Variants in CSNK1G1 observed in about 807,000 individuals in gnomAD.
The protein encoded by CSNK1G1 is casein kinase I isoform gamma-1.
Under a neutral mutation model 59.6 loss-of-function variants are expected in CSNK1G1, and 22 were observed. The observed-to-expected ratio is 0.37, with a 90% CI of 0.26 to 0.53. The LOEUF is 0.53. CSNK1G1 is among the 20% of genes least tolerant of loss of function. The pLI, the probability that CSNK1G1 is intolerant of heterozygous loss-of-function variation, is 0.89. For missense variants in CSNK1G1, 384 were observed against 519.5 expected (o/e 0.74, Z 2.54); for synonymous variants, 179 against 177.1 (o/e 1.01, Z -0.08).
chr15:64,273,981 C>T (rs549721835), intron 2 of CSNK1G1, among the ~76,000 whole-genome samples: 90 of 152,276 alleles, frequency 5.9e-4, no homozygotes, highest in African/African-American at 2.1e-3. Context: ...TTATAAAATG[C>T]TTCTTAGCTT....
In CSNK1G1 at chr15:64,330,079, C is replaced by T. The variant is rs1218446248; in HGVS notation, c.-225+25909G>A. Among the ~76,000 whole-genome samples the T allele has an allele frequency of 5.5e-3, 734 of 134,172 alleles. 7 individuals carry two copies. The highest frequency in any genetic ancestry group is 0.02 in the African/African-American group (704 of 34,730). The allele number at this position is 134,172 out of a possible 152,430, so 88.0% of individuals were successfully genotyped here. A position where few individuals can be genotyped will look rare whatever the true frequency, so the allele number is the denominator to read the frequency against. ...GTCCAGGACCAGATGGATTCACAGC[C>T]GAATTCTACCAGAGGTACAAGGAGG... is the stretch of plus-strand genomic sequence containing the variant. On this transcript the variant is annotated intron_variant, in intron 1 of 11. Coordinates refer to ENST00000303052, the MANE Select transcript of CSNK1G1 (RefSeq NM_022048.5).
chr15:64,314,359 T>A (rs1466518356), intron 1 of CSNK1G1, among the ~76,000 whole-genome samples: 1 of 152,096 alleles, frequency 6.6e-6, no homozygotes, highest in Non-Finnish European at 1.5e-5. Context: ...AAAAATTGTA[T>A]GTTGACAATT....
rs1347386489 is a variant in CSNK1G1, at chr15:64,172,282, G to A, written c.1215-297C>T. On this transcript the variant is annotated intron_variant, in intron 11 of 11. Transcript: ENST00000303052. ...GAGGGTGAAGAAGGCTCATAGTTTA[G>A]CACCCAACCCAGATGCCTCACCTTA... 6.6e-5 allele frequency among the ~76,000 whole-genome samples: 10 copies of A among 152,202 alleles called. No individual in the cohort carries two copies. The South Asian group carries it at 2.1e-3, about 31-fold the overall frequency.
chr15:64,238,564 T>C (rs370868730), intron 4 of CSNK1G1, among the ~76,000 whole-genome samples: 3 of 137,484 alleles, frequency 2.2e-5, no homozygotes, highest in African/African-American at 8.5e-5. Context: ...CCCACATTCC[T>C]AGTGCAGGTT....
intron 1 of CSNK1G1, among the ~76,000 whole-genome samples, chr15:64,343,522 A>T (rs1248190985): frequency 6.6e-6 from 1 of 152,102 alleles, no homozygotes; most frequent in East Asian, 1.9e-4. Flanking sequence ...AGTTTTCCCA[A>T]GTGATTCTAA....
intron 4 of CSNK1G1, 196 bp downstream of exon 4, chr15:64,251,316 C>T (rs1445631053): frequency 7.9e-6 from 4 of 505,524 alleles, no homozygotes; most frequent in Non-Finnish European, 1.4e-5. Flanking sequence ...CATAGCAACA[C>T]AGTTCCCCTG....
intron 11 of CSNK1G1, among the ~76,000 whole-genome samples, chr15:64,175,605 C>A (rs2140202652): frequency 6.6e-6 from 1 of 152,222 alleles, no homozygotes; most frequent in Middle Eastern, 3.4e-3. Context: ...AAAAGACAGG[C>A]TCCAATATAT....
chr15:64,224,606 C>T (rs2082432597), intron 4 of CSNK1G1, among the ~76,000 whole-genome samples: 1 of 152,120 alleles, frequency 6.6e-6, no homozygotes, highest in Non-Finnish European at 1.5e-5. Flanking sequence ...TATGAATTTA[C>T]TCAAAATGCT....
In CSNK1G1 at chr15:64,318,789, T is replaced by C. The variant is rs1482251565; in HGVS notation, c.-224-18066A>G. Among the ~76,000 whole-genome samples, 3 of 151,928 alleles carry C rather than the reference T, an allele frequency of 2.0e-5. No homozygotes were observed. In the East Asian group the frequency reaches 5.8e-4, roughly 29 times the overall value. On this transcript the variant is annotated intron_variant, in intron 1 of 11. Coordinates refer to ENST00000303052, the MANE Select transcript of CSNK1G1 (RefSeq NM_022048.5). ...ACGAGCCTGGCTAATTTTTGTATTT[T>C]TAGTAGAGACGAGGTTTCACCATGT... is the stretch of plus-strand genomic sequence containing the variant.
At chr15:64,217,816 A>C (rs755425059) in intron 4 of CSNK1G1, among the ~76,000 whole-genome samples, 16 of 124,688 alleles carry the variant, frequency 1.3e-4, no homozygotes, top group Admixed American at 2.5e-4. Context: ...ACTCCATCTC[A>C]AAAAAAAAAA....
At chr15:64,247,423 C>T (rs1335147679) in intron 4 of CSNK1G1, among the ~76,000 whole-genome samples, 1 of 152,166 alleles carries the variant, frequency 6.6e-6, no homozygotes, top group African/African-American at 2.4e-5. Context: ...TCAAGGTTCT[C>T]ATGGTCCCCT....
At chr15:64,248,216 G>C (rs909464638) in intron 4 of CSNK1G1, among the ~76,000 whole-genome samples, 13 of 152,298 alleles carry the variant, frequency 8.5e-5, no homozygotes, top group African/African-American at 2.9e-4. Context: ...TGAAAAAATA[G>C]GGGGAGGAAT....
At chr15:64,313,870 C>CAAAA (rs11402033) in intron 1 of CSNK1G1, among the ~76,000 whole-genome samples, 8 of 143,606 alleles carry the variant, frequency 5.6e-5, no homozygotes, top group African/African-American at 2.0e-4. Context: ...AGGTATATGG[C>CAAAA]AAAAAAAAAA....
intron 4 of CSNK1G1, among the ~76,000 whole-genome samples, chr15:64,225,692 T>C (rs908088242): frequency 7.2e-5 from 11 of 152,192 alleles, no homozygotes; most frequent in African/African-American, 2.7e-4. Flanking sequence ...AATGGCGTGA[T>C]CTCGGCTCAC....
intron 4 of CSNK1G1, among the ~76,000 whole-genome samples, chr15:64,221,867 G>C (rs1000058010): frequency 2.0e-5 from 3 of 152,100 alleles, no homozygotes. Flanking sequence ...AGACAGTATG[G>C]TGATTCCTTA....
In CSNK1G1 at chr15:64,339,066, T is replaced by C. The variant is rs905364676; in HGVS notation, c.-225+16922A>G. Among the ~76,000 whole-genome samples the C allele has an allele frequency of 7.9e-5, 12 of 152,108 alleles. No individual in the cohort carries two copies. The East Asian group carries it at 2.3e-3, about 29-fold the overall frequency. On this transcript the variant is annotated intron_variant, in intron 1 of 11. Transcript: ENST00000303052. ...AGGGGAGAGTTAAAGTGCAGGATTCTGAAGGGAAAAAGTTAAGGAGGAGAG... is the reference window on the plus strand; with the variant it reads ...AGGGGAGAGTTAAAGTGCAGGATTCCGAAGGGAAAAAGTTAAGGAGGAGAG...
intron 3 of CSNK1G1, among the ~76,000 whole-genome samples, chr15:64,256,057 C>A (rs1892358051): frequency 6.6e-6 from 1 of 152,212 alleles, no homozygotes; most frequent in African/African-American, 2.4e-5. Context: ...ACTCTTATGT[C>A]TCCATCTGGT....
chr15:64,279,254 T>A (rs372919873), intron 2 of CSNK1G1, among the ~76,000 whole-genome samples: 4 of 152,198 alleles, frequency 2.6e-5, no homozygotes, highest in Non-Finnish European at 4.4e-5. Context: ...AGCATACCAG[T>A]AGGTTTTCTG....
intron 1 of CSNK1G1, among the ~76,000 whole-genome samples, chr15:64,303,216 G>A (rs115005231): frequency 0.012 from 1,818 of 147,934 alleles, 29 homozygotes; most frequent in African/African-American, 0.044. Flanking sequence ...ACTCTAGCCT[G>A]GGCAACACAG....
Sources: allele counts gnomAD v4.1 joint callset (sites outside exome capture counted in the v4.1 genomes callset), GRCh38; gene constraint gnomAD v4.1.1; transcripts MANE v1.5; gene names NCBI Gene and HGNC (gene_info 2026-07-23, HGNC 2026-07-21).